CLTC: variants seen among roughly 807,000 people sequenced by gnomAD.
CLTC encodes the protein clathrin heavy chain, also known as clathrin heavy chain 1.
CLTC carries 16 observed loss-of-function variants against 195.8 expected under a neutral mutation model. The ratio of observed to expected loss-of-function variants is 0.08; its 90% CI spans 0.06 to 0.12. CLTC has a LOEUF of 0.12. Ranked by LOEUF, CLTC falls within the 10% of genes least tolerant of loss-of-function variation. The pLI is 1.00. For missense variants in CLTC, 796 were observed against 2,027.0 expected (o/e 0.39, Z 11.66); for synonymous variants, 667 against 689.4 (o/e 0.97, Z 0.51).
At chr17:59,690,018 C>G (rs2033262899) in intron 30 of CLTC, 1 of 152,218 alleles carries the variant, frequency 6.6e-6, no homozygotes, top group South Asian at 2.1e-4. Flanking sequence ...TAAAAGCAAA[C>G]ATTTTTGGGA....
At chr17:59,644,006 C>G (rs2032117493) in intron 1 of CLTC, among the ~76,000 whole-genome samples, 1 of 152,168 alleles carries the variant, frequency 6.6e-6, no homozygotes, top group Non-Finnish European at 1.5e-5. Flanking sequence ...TCCCTTGAAC[C>G]ATGCATGCTA....
At chr17:59,669,882 T>C (rs2032809259) in intron 14 of CLTC, among the ~76,000 whole-genome samples, 1 of 152,190 alleles carries the variant, frequency 6.6e-6, no homozygotes, top group African/African-American at 2.4e-5. Flanking sequence ...CATTTGTGTG[T>C]GTGGTTGCAT....
At chr17:59,678,144 G>T (rs1326418762) in intron 17 of CLTC, among the ~76,000 whole-genome samples, 1 of 152,160 alleles carries the variant, frequency 6.6e-6, no homozygotes, top group Non-Finnish European at 1.5e-5. Context: ...ATTAGATTTA[G>T]ATTATACATT....
intron 13 of CLTC, among the ~76,000 whole-genome samples, chr17:59,667,901 G>A (rs1329799026): frequency 1.3e-5 from 2 of 152,068 alleles, no homozygotes; most frequent in Non-Finnish European, 2.9e-5. Flanking sequence ...ATTGAGAAGG[G>A]GTAAGAGAGT....
intron 2 of CLTC, among the ~76,000 whole-genome samples, chr17:59,645,474 C>G (rs990049894): frequency 2.0e-5 from 3 of 152,010 alleles, no homozygotes; most frequent in African/African-American, 7.3e-5. Context: ...ACTAATTGAC[C>G]CTTTAAAACA....
chr17:59,696,418 A>G lies in CLTC; in HGVS notation c.*2566A>G, dbSNP rs2033426179. Reference sequence around the variant, plus strand: ...ATTGCAGTTAACCATAGAGAGGTGGAGCCACTTAAAATGGGCCTATTACCA... The same window carrying G: ...ATTGCAGTTAACCATAGAGAGGTGGGGCCACTTAAAATGGGCCTATTACCA... On this transcript the variant is annotated 3_prime_UTR_variant, in exon 32 of 32. Transcript: ENST00000269122. 1 of 218,250 alleles carries G rather than the reference A, an allele frequency of 4.6e-6. No individual in the cohort carries two copies. The highest frequency in any genetic ancestry group is 5.8e-5 in the Admixed American group (1 of 17,268). 13.5% of individuals were successfully genotyped at this position (218,250 alleles called of 1,614,324 possible). A position where few individuals can be genotyped will look rare whatever the true frequency, so the allele number is the denominator to read the frequency against.
At chr17:59,641,213 A>C (rs1206853641) in intron 1 of CLTC, among the ~76,000 whole-genome samples, 1 of 152,132 alleles carries the variant, frequency 6.6e-6, no homozygotes, top group African/African-American at 2.4e-5. Context: ...GAAGTAACCC[A>C]TATCACTGTT....
At chr17:59,630,175 A>AT (rs1289739340) in intron 1 of CLTC, among the ~76,000 whole-genome samples, 3 of 151,772 alleles carry the variant, frequency 2.0e-5, no homozygotes, top group African/African-American at 7.3e-5. Context: ...CAATTTTTGT[A>AT]TTTTTTTGTA....
chr17:59,666,663 T>A lies in CLTC; in HGVS notation c.1947+19T>A, dbSNP rs772030389. The A allele has an allele frequency of 3.7e-5, 59 of 1,602,058 alleles. No individual in the cohort carries two copies. The highest frequency in any genetic ancestry group is 5.0e-5 in the Non-Finnish European group (59 of 1,172,048). On this transcript the variant is annotated intron_variant, in intron 12 of 31. Coordinates refer to ENST00000269122, the MANE Select transcript of CLTC (RefSeq NM_004859.4). This position sits in a 1 kb window ranked among gnomAD's most constrained non-coding sequence, Gnocchi z 4.9. Reference sequence around the variant, plus strand: ...CCCTGAGGTATTTCAGTTTCTTACCTAATAGATGGTGTTAGTTGTGATTAA... The same window carrying A: ...CCCTGAGGTATTTCAGTTTCTTACCAAATAGATGGTGTTAGTTGTGATTAA...
At chr17:59,633,418 G>A (rs1473756259) in intron 1 of CLTC, among the ~76,000 whole-genome samples, 2 of 151,982 alleles carry the variant, frequency 1.3e-5, no homozygotes, top group East Asian at 1.9e-4. Context: ...GCTTGAACCC[G>A]GGAGGCAGAG....
Position 59,668,898 on chromosome 17 carries a change from A to C in CLTC, c.2250A>C (p.Glu750Asp). 1 of 1,613,388 alleles carries C rather than the reference A, an allele frequency of 6.2e-7. No homozygotes were observed. The highest frequency in any genetic ancestry group is 8.5e-7 in the Non-Finnish European group (1 of 1,179,736). Residue 750 changes from glutamate (E) to aspartate (D), a missense_variant, in exon 14 of 32, where the codon GAA becomes GAC. Physicochemically the swap from Glu to Asp is conservative, Grantham distance 45. This residue lies in a region of CLTC where 160 missense variants were observed against 448.2 expected (regional missense o/e 0.36). Transcript: ENST00000269122. ...QIKEVERICR[E>D]SNCYDPERVK... The stretch of plus-strand genomic sequence containing the variant: ...AAGAAGTAGAAAGAATCTGTAGAGA[A>C]AGCAACTGCTACGATCCTGAGCGAG...
intron 1 of CLTC, among the ~76,000 whole-genome samples, chr17:59,637,524 A>G (rs1237367274): frequency 6.7e-6 from 1 of 148,556 alleles, no homozygotes; most frequent in Non-Finnish European, 1.5e-5. Context: ...GATTACAGGC[A>G]TGAGCCACCG....
intron 1 of CLTC, among the ~76,000 whole-genome samples, chr17:59,643,369 C>T (rs1322266937): frequency 2.0e-5 from 3 of 152,112 alleles, no homozygotes; most frequent in East Asian, 3.8e-4. Context: ...TTTGTTCTTA[C>T]ATACTTAATT....
At chr17:59,626,027 A>G (rs374529940) in intron 1 of CLTC, among the ~76,000 whole-genome samples, 25 of 152,256 alleles carry the variant, frequency 1.6e-4, no homozygotes, top group African/African-American at 5.8e-4. Context: ...ATCTCAACCA[A>G]TGACACAATA....
In CLTC at chr17:59,666,814, T is replaced by C. The variant is rs756840246; in HGVS notation, c.1965T>C (p.Phe655=). The C allele has an allele frequency of 7.4e-6, 12 of 1,611,954 alleles. No individual in the cohort carries two copies. The East Asian group carries it at 2.5e-4, about 33-fold the overall frequency. The change falls in exon 13 of 32, where the codon TTT becomes TTC. Residue 655 remains phenylalanine, a synonymous_variant. Transcript: ENST00000269122. The surrounding 1 kb of genome is among the most constrained non-coding windows in gnomAD (Gnocchi z 4.9). ...LLNPEWLVNY[F]GSLSVEDSLE... Reference sequence around the variant, plus strand: ...TCTTGTAGTGGTTAGTCAACTACTTTGGTTCCTTATCAGTAGAAGACTCCC... The same window carrying C: ...TCTTGTAGTGGTTAGTCAACTACTTCGGTTCCTTATCAGTAGAAGACTCCC...
At chr17:59,641,949 A>T (rs2032047841) in intron 1 of CLTC, among the ~76,000 whole-genome samples, 1 of 150,614 alleles carries the variant, frequency 6.6e-6, no homozygotes, top group African/African-American at 2.4e-5. Context: ...CAGCCTCCCA[A>T]AGTGCTGGGA....
At chr17:59,688,236 CTG>C (rs1567974697) in intron 30 of CLTC, among the ~76,000 whole-genome samples, 1 of 152,162 alleles carries the variant, frequency 6.6e-6, no homozygotes, top group Non-Finnish European at 1.5e-5. Context: ...TCTTGAGAGC[CTG>C]TATAGCAAGT....
chr17:59,673,616 T>C (rs1377768508), intron 14 of CLTC, 31 bp from the exon 15 acceptor site: 3 of 1,578,190 alleles, frequency 1.9e-6, no homozygotes, highest in Non-Finnish European at 2.6e-6. Flanking sequence ...AGAAGAAATT[T>C]AAAGTTTCCT....
At position 59,644,476 on chromosome 17, in the gene CLTC, A is replaced by G; in HGVS notation, c.243A>G (p.Ala81=). ...AIMNPASKVI[A]LKAGKTLQIF... ...TGAATCCAGCTAGCAAAGTAATTGC[A>G]CTGAAAGGTATAAAAGAATGTGGGT... The change falls in exon 2 of 32, where the codon GCA becomes GCG. Residue 81 remains alanine (A), a synonymous_variant. Coordinates refer to ENST00000269122, the MANE Select transcript of CLTC (RefSeq NM_004859.4). 1.2e-6 allele frequency: 2 copies of G among 1,612,912 alleles called. No individual in the cohort carries two copies. The highest frequency in any genetic ancestry group is 1.7e-6 in the Non-Finnish European group (2 of 1,179,216).
Sources: gnomAD v4.1 joint callset for allele counts (sites outside exome capture counted in the v4.1 genomes callset) on GRCh38, gnomAD v4.1.1 for gene constraint, gnomAD v4.1.1 regional missense constraint, Gnocchi (gnomAD v3.1) non-coding constraint, MANE v1.5 for transcripts, NCBI Gene and HGNC (gene_info 2026-07-23, HGNC 2026-07-21) for gene names.